RUSF1: variants seen among roughly 807,000 people sequenced by gnomAD.
RUSF1 encodes RUS1 family protein C16orf58.
In RUSF1, 58 loss-of-function variants were observed where a neutral mutation model predicts 63.0. The ratio of observed to expected loss-of-function variants is 0.92; its 90% CI spans 0.75 to 1.15. RUSF1 has a LOEUF of 1.15. Ranked by LOEUF, RUSF1 falls within the 50% of genes most tolerant of loss-of-function variation. The pLI is 0.00. For missense variants in RUSF1, 652 were observed against 611.0 expected (o/e 1.07, Z -0.71); for synonymous variants, 274 against 255.8 (o/e 1.07, Z -0.68).
At chr16:31,498,463 A>G (rs2142652717) in intron 5 of RUSF1, among the ~76,000 whole-genome samples, 1 of 152,320 alleles carries the variant, frequency 6.6e-6, no homozygotes, top group East Asian at 1.9e-4. Context: ...TTATGGAGAA[A>G]CACGGCCCTA....
At position 31,493,778 on chromosome 16, in the gene RUSF1, A is replaced by C; in HGVS notation, c.783T>G (p.Leu261=). The change falls in exon 8 of 13, where the codon CTT becomes CTG. Residue 261 remains leucine, a synonymous_variant. Coordinates refer to ENST00000327237, the MANE Select transcript of RUSF1 (RefSeq NM_022744.4). The part of the protein sequence containing the change: ...PLVSGCPGFS[L]GCFFFLTALH... ...GGGCAGTGAGGAAGAAGAAACATCC[A>C]AGGCTGAAGCTGGGGTGAGAGAGTG... 3 of 1,614,182 alleles carry C rather than the reference A, an allele frequency of 1.9e-6. No homozygotes were observed. In the South Asian group the frequency reaches 3.3e-5, roughly 18 times the overall value.
At chr16:31,497,119 A>T (rs1250542538) in intron 5 of RUSF1, among the ~76,000 whole-genome samples, 169 bp from the exon 6 acceptor site, 2 of 152,140 alleles carry the variant, frequency 1.3e-5, no homozygotes, top group African/African-American at 4.8e-5. Context: ...CTGTTCTAGG[A>T]AACTGGAGTC....
Position 31,493,851 on chromosome 16 carries a change from C to CT in RUSF1, c.773+14dup. 6.2e-7 allele frequency: 1 copy of CT among 1,614,186 alleles called. No individual in the cohort carries two copies. Among genetic ancestry groups the CT allele is most frequent in the Non-Finnish European group, 8.5e-7 (1 of 1,180,024 alleles). On this transcript the variant is annotated intron_variant, in intron 7 of 12. Transcript: ENST00000327237. ...CCCAGCTGGGGTTCTCCTGCCCACC[C>CT]TGCTTCCGGCTTACCCAGGGCAACC...
At chr16:31,496,815 C>A (rs772256992) in intron 6 of RUSF1, 34 bp downstream of exon 6, 5 of 1,506,824 alleles carry the variant, frequency 3.3e-6, no homozygotes, top group South Asian at 1.3e-5. Context: ...TTCCCCTCCC[C>A]ACTCCACGCC....
rs1458035669 is a variant in RUSF1, at chr16:31,508,166, G to A, written c.208C>T (p.Leu70Phe). 5.1e-6 allele frequency: 8 copies of A among 1,578,200 alleles called. No individual in the cohort carries two copies. In the South Asian group the frequency reaches 6.9e-5, roughly 14 times the overall value. ...AGGAACACGGCCTGGAGCCCGGAGAGGGGCGGTGAGGGGGCCCCGGAAGCC... is the reference window on the plus strand; with the variant it reads ...AGGAACACGGCCTGGAGCCCGGAGAAGGGCGGTGAGGGGGCCCCGGAAGCC... ...VGASGAPSPP[L>F]SGLQAVFLPQ... is the part of the protein sequence containing the mutation. Residue 70 changes from leucine to phenylalanine, a missense_variant, in exon 1 of 13, where the codon CTC becomes TTC. By Grantham distance (22) the Leu-to-Phe change is conservative (BLOSUM62 0). Coordinates refer to ENST00000327237, the MANE Select transcript of RUSF1 (RefSeq NM_022744.4).
At chr16:31,493,307 CT>C in intron 9 of RUSF1, 159 bp downstream of exon 9, 1 of 1,025,784 alleles carries the variant, frequency 9.7e-7, no homozygotes, top group Non-Finnish European at 1.5e-6. Flanking sequence ...GTTATACACC[CT>C]TTCCTTCCTC....
rs150175927 is a variant in RUSF1, at chr16:31,492,208, C to T, written c.1220G>A (p.Arg407Gln). Residue 407 changes from arginine to glutamine, a missense_variant, in exon 11 of 13, where the codon CGG becomes CAG. Coordinates refer to ENST00000327237, the MANE Select transcript of RUSF1 (RefSeq NM_022744.4). ...LPAELEELRN[R>Q]VRAGPKKESW... ...CTTGAGGCACTTACCTGCCCGCACC[C>T]GGTTCCTCAGCTCCTCCAGCTCTGC... The T allele has an allele frequency of 1.0e-4, 165 of 1,610,942 alleles. No homozygotes were observed. Among genetic ancestry groups the T allele is most frequent in the East Asian group, 2.0e-4 (9 of 44,808 alleles).
At chr16:31,504,222 TAA>T (rs893240693) in intron 2 of RUSF1, among the ~76,000 whole-genome samples, 2 of 151,978 alleles carry the variant, frequency 1.3e-5, no homozygotes, top group African/African-American at 2.4e-5. Context: ...TTTCATATCT[TAA>T]AGTGATCTTG....
rs752801395 is a variant in RUSF1, at chr16:31,493,787, G to A, written c.774C>T (p.Gly258=). 4 of 1,614,102 alleles carry A rather than the reference G, an allele frequency of 2.5e-6. No homozygotes were observed. In the African/African-American group the frequency reaches 5.3e-5, roughly 22 times the overall value. The change falls in exon 8 of 13, where the codon GGC becomes GGT. Residue 258 remains glycine (G), a splice_region_variant and synonymous_variant. Coordinates refer to ENST00000327237, the MANE Select transcript of RUSF1 (RefSeq NM_022744.4). Reference sequence around the variant, plus strand: ...GGAAGAAGAAACATCCAAGGCTGAAGCTGGGGTGAGAGAGTGAGGTAGCTG... The same window carrying A: ...GGAAGAAGAAACATCCAAGGCTGAAACTGGGGTGAGAGAGTGAGGTAGCTG... ...LMLPLVSGCP[G]FSLGCFFFLT... is the part of the protein sequence containing the mutation.
In RUSF1 at chr16:31,493,044, A is replaced by G. The variant is rs1294485551; in HGVS notation, c.1021T>C (p.Phe341Leu). The change falls in exon 10 of 13, where the codon TTT becomes CTT. Residue 341 changes from phenylalanine (F) to leucine (L), a missense_variant. By Grantham distance (22) the Phe-to-Leu change is conservative. Coordinates refer to ENST00000327237, the MANE Select transcript of RUSF1 (RefSeq NM_022744.4). ...VPLHRLVSSV[F>L]ELQQLVEGHQ... is the part of the protein sequence containing the mutation. ...CCCTCAACCAGCTGCTGCAGCTCAA[A>G]GACACTGTGGGGGAGAGGACAGTGC... The G allele has an allele frequency of 6.2e-7, 1 of 1,613,788 alleles. No individual in the cohort carries two copies. The highest frequency in any genetic ancestry group is 1.3e-5 in the African/African-American group (1 of 74,918).
intron 2 of RUSF1, among the ~76,000 whole-genome samples, chr16:31,507,038 T>C (rs746491083): frequency 1.6e-4 from 25 of 152,194 alleles, no homozygotes; most frequent in Admixed American, 1.6e-3. Context: ...TCAAATGTAA[T>C]TGCGGGTTTT....
chr16:31,490,712 G>T lies in RUSF1; in HGVS notation c.*123C>A. ...CTGATTGGCAGTCACTTCCCATGAG[G>T]GCCTGGCCCACCCGCTGCAGTTGCC... On this transcript the variant is annotated 3_prime_UTR_variant, in exon 13 of 13. Coordinates refer to ENST00000327237, the MANE Select transcript of RUSF1 (RefSeq NM_022744.4). 8.2e-7 allele frequency: 1 copy of T among 1,222,898 alleles called. No homozygotes were observed. 75.8% of individuals were successfully genotyped at this position (1,222,898 alleles called of 1,614,324 possible).
chr16:31,506,863 A>C (rs997761677), intron 2 of RUSF1, among the ~76,000 whole-genome samples: 2 of 152,136 alleles, frequency 1.3e-5, no homozygotes, highest in Non-Finnish European at 2.9e-5. Flanking sequence ...TACGAGGATT[A>C]AAGGCGTGAG....
rs778747620 is a variant in RUSF1, at chr16:31,493,799, G to A, written c.774-12C>T. The A allele has an allele frequency of 2.8e-5, 45 of 1,614,208 alleles. No individual in the cohort carries two copies. The East Asian group carries it at 9.8e-4, about 35-fold the overall frequency. ...ATCCAAGGCTGAAGCTGGGGTGAGA[G>A]AGTGAGGTAGCTGAAGTGGGCAGAG... On this transcript the variant is annotated splice_polypyrimidine_tract_variant and intron_variant, in intron 7 of 12. Coordinates refer to ENST00000327237, the MANE Select transcript of RUSF1 (RefSeq NM_022744.4).
rs759844886 is a variant in RUSF1 at position 31,492,284 on chromosome 16, CG to C, written c.1143del (p.Ala382ProfsTer5). On this transcript the variant is annotated frameshift_variant, in exon 11 of 13. Coordinates refer to ENST00000327237, the MANE Select transcript of RUSF1 (RefSeq NM_022744.4). LOFTEE classifies it high-confidence loss of function. ...QKAGPKTILR[A>X]ATHGLMLGAL... The stretch of plus-strand genomic sequence containing the variant: ...GCCCCAAGCATCAGCCCATGTGTGG[CG>C]GCCCTTAGGATGGTCTTGGGGCCTG... The C allele has an allele frequency of 2.5e-6, 4 of 1,612,296 alleles. No homozygotes were observed. The highest frequency in any genetic ancestry group is 1.1e-5 in the South Asian group (1 of 90,866).
chr16:31,507,618 G>A (rs910283830), intron 2 of RUSF1, 146 bp downstream of exon 2: 5 of 721,320 alleles, frequency 6.9e-6, no homozygotes, highest in Admixed American at 2.8e-5. Flanking sequence ...AAGTAAGACT[G>A]GGTTACAAAG....
At chr16:31,495,863 A>T (rs2082599384) in intron 6 of RUSF1, among the ~76,000 whole-genome samples, 1 of 152,188 alleles carries the variant, frequency 6.6e-6, no homozygotes, top group Non-Finnish European at 1.5e-5. Flanking sequence ...GAACCAAAAT[A>T]CTTGGCACAT....
chr16:31,505,013 G>C (rs2082650925), intron 2 of RUSF1, among the ~76,000 whole-genome samples: 1 of 152,192 alleles, frequency 6.6e-6, no homozygotes, highest in Non-Finnish European at 1.5e-5. Flanking sequence ...CTCTGCCCAA[G>C]AAAGCCTGGA....
chr16:31,491,796 C>T (rs1596624291), intron 12 of RUSF1, among the ~76,000 whole-genome samples: 1 of 151,116 alleles, frequency 6.6e-6, no homozygotes, highest in Non-Finnish European at 1.5e-5. Context: ...TTTTTTTGTA[C>T]AGACAAGGAT....
Sources: gnomAD v4.1 joint callset for allele counts (sites outside exome capture counted in the v4.1 genomes callset) on GRCh38, gnomAD v4.1.1 for gene constraint, MANE v1.5 for transcripts, NCBI Gene and HGNC (gene_info 2026-07-23, HGNC 2026-07-21) for gene names.